SPOCK3: variants seen among roughly 807,000 people sequenced by gnomAD.
SPOCK3 encodes the protein SPARC (osteonectin), cwcv and kazal like domains proteoglycan 3, also known as testican-3.
SPOCK3 carries 30 observed loss-of-function variants against 56.6 expected under a neutral mutation model. That is an observed-to-expected ratio of 0.53 (90% confidence interval 0.40 to 0.72). The LOEUF is 0.72. Ranked by LOEUF, SPOCK3 falls within the 30% of genes least tolerant of loss-of-function variation. The pLI, the probability that SPOCK3 is intolerant of heterozygous loss-of-function variation, is 0.00. For synonymous variants in SPOCK3, 196 were observed against 183.3 expected, an observed-to-expected ratio of 1.07 and a Z score of -0.56; for missense variants, 527 against 530.0, an observed-to-expected ratio of 0.99 and a Z score of 0.06.
chr4:166,826,420 T>C (rs1745488398), intron 6 of SPOCK3, among the ~76,000 whole-genome samples: 1 of 152,118 alleles, frequency 6.6e-6, no homozygotes, highest in African/African-American at 2.4e-5. Flanking sequence ...TATGATAATT[T>C]AATAGACTGT....
At chr4:166,845,464 C>T (rs1226291577) in intron 6 of SPOCK3, among the ~76,000 whole-genome samples, 1 of 152,066 alleles carries the variant, frequency 6.6e-6, no homozygotes, top group Non-Finnish European at 1.5e-5. Context: ...TGTGCTATAA[C>T]TTATAATCTT....
At chr4:166,987,991 G>A (rs931169783) in intron 4 of SPOCK3, among the ~76,000 whole-genome samples, 11 of 152,060 alleles carry the variant, frequency 7.2e-5, no homozygotes, top group South Asian at 4.1e-4. Flanking sequence ...TGGAATTTTC[G>A]TATGCTTGCT....
intron 7 of SPOCK3, among the ~76,000 whole-genome samples, chr4:166,766,506 G>T (rs537093466): frequency 6.6e-6 from 1 of 152,122 alleles, no homozygotes; most frequent in African/African-American, 2.4e-5. Context: ...ATTTGCGTAC[G>T]TTGAACCAGT....
At chr4:166,774,234 G>A (rs752818821) in intron 7 of SPOCK3, among the ~76,000 whole-genome samples, 1 of 152,192 alleles carries the variant, frequency 6.6e-6, no homozygotes, top group East Asian at 1.9e-4. Flanking sequence ...ACCACCTCCA[G>A]TTTTTACGTG....
chr4:167,033,416 T>TATA (rs1349619361), intron 3 of SPOCK3, among the ~76,000 whole-genome samples: 79 of 150,294 alleles, frequency 5.3e-4, no homozygotes, highest in Middle Eastern at 3.5e-3. Context: ...TTATTATTAT[T>TATA]ATTATTAAGG....
At chr4:166,886,306 AAAG>A (rs1734197833) in intron 6 of SPOCK3, among the ~76,000 whole-genome samples, 2 of 152,160 alleles carry the variant, frequency 1.3e-5, no homozygotes, top group African/African-American at 2.4e-5. Context: ...AGATGGAAGA[AAAG>A]GAGGGAATCC....
At chr4:166,809,567 T>A (rs1743545663) in intron 6 of SPOCK3, among the ~76,000 whole-genome samples, 1 of 152,054 alleles carries the variant, frequency 6.6e-6, no homozygotes, top group South Asian at 2.1e-4. Context: ...GAATAATACT[T>A]TGAGTCAGAC....
chr4:166,739,075 C>A (rs1369129866), intron 9 of SPOCK3, among the ~76,000 whole-genome samples: 5 of 152,042 alleles, frequency 3.3e-5, no homozygotes. Context: ...AACTAGTTTA[C>A]AGTCCCAGCA....
At position 167,139,872 on chromosome 4, in the gene SPOCK3, C is replaced by T. The variant is rs546825139; in HGVS notation, c.190-77335G>A. 1.6e-4 allele frequency among the ~76,000 whole-genome samples: 24 copies of T among 152,108 alleles called. No individual in the cohort carries two copies. In the South Asian group the frequency reaches 4.4e-3, roughly 28 times the overall value. On this transcript the variant is annotated intron_variant, in intron 2 of 10. Coordinates refer to ENST00000357545, the MANE Select transcript of SPOCK3 (RefSeq NM_001040159.2). ...GCCAATTTTTGTTTTACAAAAGGCT[C>T]TGTGACTCAGTTGTCCCCATGTAAC...
intron 6 of SPOCK3, among the ~76,000 whole-genome samples, chr4:166,839,262 G>T (rs1205424382): frequency 6.6e-6 from 1 of 152,132 alleles, no homozygotes; most frequent in Non-Finnish European, 1.5e-5. Flanking sequence ...CTGAGGAGTT[G>T]TGCCTCCTGG....
intron 2 of SPOCK3, among the ~76,000 whole-genome samples, chr4:167,098,354 G>C (rs533223326): frequency 6.6e-6 from 1 of 151,932 alleles, no homozygotes; most frequent in South Asian, 2.1e-4. Context: ...TCTCTGCCTA[G>C]TCTTCATTCA....
intron 2 of SPOCK3, among the ~76,000 whole-genome samples, chr4:167,205,512 TA>T (rs1734163606): frequency 1.8e-5 from 1 of 54,420 alleles, no homozygotes; most frequent in African/African-American, 8.4e-5. Flanking sequence ...TATTATATAA[TA>T]TATATTATAT....
chr4:167,090,191 C>T (rs1244452594), intron 2 of SPOCK3, among the ~76,000 whole-genome samples: 2 of 152,146 alleles, frequency 1.3e-5, no homozygotes, highest in African/African-American at 2.4e-5. Context: ...CTGTAAGAAA[C>T]TGCCAAATTG....
At chr4:166,915,315 TTAAAA>T (rs1263210541) in intron 4 of SPOCK3, among the ~76,000 whole-genome samples, 14 of 152,100 alleles carry the variant, frequency 9.2e-5, no homozygotes, top group African/African-American at 3.4e-4. Context: ...ATCCCAGGAC[TTAAAA>T]TAATTAAAAA....
chr4:166,963,451 T>C (rs1035798897), intron 4 of SPOCK3, among the ~76,000 whole-genome samples: 5 of 151,972 alleles, frequency 3.3e-5, no homozygotes, highest in African/African-American at 1.2e-4. Flanking sequence ...ATTTTGTTCT[T>C]GAATCATCAT....
In SPOCK3 at chr4:166,736,714, T is replaced by C. The variant is rs540949310; in HGVS notation, c.1132+753A>G. Among the ~76,000 whole-genome samples the C allele has an allele frequency of 7.2e-5, 11 of 151,928 alleles. No homozygotes were observed. In the South Asian group the frequency reaches 1.5e-3, roughly 20 times the overall value. On this transcript the variant is annotated intron_variant, in intron 10 of 10. Coordinates refer to ENST00000357545, the MANE Select transcript of SPOCK3 (RefSeq NM_001040159.2). ...AATTAATTCCTGGTGTGTGTGTGTG[T>C]GTGCGCGTGTGTGTGTCTACAATGA...
chr4:166,762,095 T>C (rs1737316261), intron 7 of SPOCK3, among the ~76,000 whole-genome samples: 1 of 68,398 alleles, frequency 1.5e-5, no homozygotes, highest in South Asian at 5.1e-4. Flanking sequence ...TTCAGTGTTT[T>C]TGTTGTTGTT....
chr4:166,752,029 TTTG>T (rs531567832), intron 8 of SPOCK3, among the ~76,000 whole-genome samples: 2 of 152,062 alleles, frequency 1.3e-5, no homozygotes, highest in African/African-American at 4.8e-5. Context: ...GTACATTCCT[TTTG>T]TTGTTGTTGT....
chr4:167,159,650 T>A (rs1161794792), intron 2 of SPOCK3, among the ~76,000 whole-genome samples: 4 of 152,080 alleles, frequency 2.6e-5, no homozygotes, highest in Non-Finnish European at 5.9e-5. Context: ...AATAAAATAA[T>A]GGCAAACTGA....
Sources: gnomAD v4.1 joint callset for allele counts (sites outside exome capture counted in the v4.1 genomes callset) on GRCh38, gnomAD v4.1.1 for gene constraint, MANE v1.5 for transcripts, NCBI Gene and HGNC (gene_info 2026-07-23, HGNC 2026-07-21) for gene names.